CFAP299: variants seen among roughly 807,000 people sequenced by gnomAD.
CFAP299 encodes cilia and flagella associated protein 299.
CFAP299 carries 21 observed loss-of-function variants against 27.0 expected under a neutral mutation model. The ratio of observed to expected loss-of-function variants is 0.78; its 90% CI spans 0.55 to 1.12. CFAP299 has a LOEUF of 1.12. CFAP299 is among the 50% of genes most tolerant of loss of function. The probability of loss-of-function intolerance (pLI) is 0.00; values close to 1 mark genes in which losing one functional copy is unlikely to be tolerated. For missense variants in CFAP299, 310 were observed against 276.6 expected, an observed-to-expected ratio of 1.12 and a Z score of -0.86; for synonymous variants, 104 against 98.1, an observed-to-expected ratio of 1.06 and a Z score of -0.36.
At chr4:80,545,071 G>C (rs912152153) in intron 2 of CFAP299, among the ~76,000 whole-genome samples, 2 of 151,982 alleles carry the variant, frequency 1.3e-5, no homozygotes, top group Admixed American at 1.3e-4. Flanking sequence ...TACCAAAACT[G>C]TACAATAAAG....
intron 2 of CFAP299, chr4:80,387,110 G>C (rs941879504): frequency 6.9e-7 from 1 of 1,443,722 alleles, no homozygotes. Flanking sequence ...GGGCCTCTGG[G>C]GTGGATATTT....
Position 80,963,568 on chromosome 4 carries a change from G to C in CFAP299, c.658G>C (p.Val220Leu). ...TRITILTELY[V>L]QAVIFDHISR... Reference sequence around the variant, plus strand: ...AATCACTATCCTGACAGAACTCTACGTACAAGCTGTCATTTTTGACCACAT... The same window carrying C: ...AATCACTATCCTGACAGAACTCTACCTACAAGCTGTCATTTTTGACCACAT... Residue 220 changes from valine to leucine, a missense_variant, in exon 6 of 6, where the codon GTA becomes CTA. Transcript: ENST00000358105. The C allele has an allele frequency of 6.2e-7, 1 of 1,608,352 alleles. No individual in the cohort carries two copies. The highest frequency in any genetic ancestry group is 8.5e-7 in the Non-Finnish European group (1 of 1,176,922).
chr4:80,742,548 G>A (rs545471447), intron 3 of CFAP299, among the ~76,000 whole-genome samples: 20 of 152,216 alleles, frequency 1.3e-4, no homozygotes, highest in Admixed American at 7.9e-4. Flanking sequence ...TGGAGAGATT[G>A]ATTATAGCAA....
chr4:80,460,148 A>C (rs1729366571), intron 2 of CFAP299, among the ~76,000 whole-genome samples: 1 of 152,152 alleles, frequency 6.6e-6, no homozygotes, highest in African/African-American at 2.4e-5. Flanking sequence ...CACAGGTAGC[A>C]GTGCTCAGAA....
intron 3 of CFAP299, among the ~76,000 whole-genome samples, chr4:80,816,257 C>T (rs1003210553): frequency 2.8e-4 from 43 of 151,966 alleles, no homozygotes; most frequent in African/African-American, 9.7e-4. Context: ...TGAGATTCTT[C>T]CAAATCTAGA....
At chr4:80,490,354 G>A (rs925183624) in intron 2 of CFAP299, among the ~76,000 whole-genome samples, 5 of 152,164 alleles carry the variant, frequency 3.3e-5, no homozygotes, top group East Asian at 1.9e-4. Flanking sequence ...TAGTAATTTC[G>A]AGCTATTCTT....
At chr4:80,585,942 G>A (rs1736414235) in intron 3 of CFAP299, among the ~76,000 whole-genome samples, 1 of 152,134 alleles carries the variant, frequency 6.6e-6, no homozygotes, top group Admixed American at 6.6e-5. Context: ...GTGATTTGTA[G>A]GATTCAGTGG....
At chr4:80,791,828 A>G (rs1727587110) in intron 3 of CFAP299, among the ~76,000 whole-genome samples, 1 of 151,718 alleles carries the variant, frequency 6.6e-6, no homozygotes, top group African/African-American at 2.4e-5. Context: ...TCACAGAATG[A>G]CATATTGACA....
intron 3 of CFAP299, among the ~76,000 whole-genome samples, chr4:80,707,270 A>C (rs1721877230): frequency 6.6e-6 from 1 of 151,852 alleles, no homozygotes; most frequent in Non-Finnish European, 1.5e-5. Context: ...ATGAGATGAG[A>C]CTGGTTTTTA....
chr4:80,500,580 G>A (rs2110150760), intron 2 of CFAP299, among the ~76,000 whole-genome samples: 1 of 152,136 alleles, frequency 6.6e-6, no homozygotes, highest in East Asian at 1.9e-4. Flanking sequence ...CTACTATTTT[G>A]TTGAAACTGC....
chr4:80,745,850 A>G (rs1474338847), intron 3 of CFAP299, among the ~76,000 whole-genome samples: 2 of 151,992 alleles, frequency 1.3e-5, no homozygotes, highest in African/African-American at 4.8e-5. Context: ...GCTTTTGAAA[A>G]CCTTGACAGT....
At chr4:80,853,836 T>C (rs1170604893) in intron 3 of CFAP299, among the ~76,000 whole-genome samples, 1 of 152,118 alleles carries the variant, frequency 6.6e-6, no homozygotes, top group East Asian at 1.9e-4. Context: ...GAAGATTTGG[T>C]TGAGGTGGTG....
intron 2 of CFAP299, among the ~76,000 whole-genome samples, chr4:80,527,105 G>A (rs973052875): frequency 5.3e-5 from 8 of 152,024 alleles, no homozygotes; most frequent in African/African-American, 9.7e-5. Context: ...TGCCTCCTTC[G>A]TGCTAAGCAT....
At chr4:80,354,519 C>CT (rs572171565) in intron 1 of CFAP299, among the ~76,000 whole-genome samples, 203 of 151,878 alleles carry the variant, frequency 1.3e-3, no homozygotes, top group African/African-American at 4.1e-3. Context: ...ATATATATGA[C>CT]TTTTTTTTCA....
intron 4 of CFAP299, among the ~76,000 whole-genome samples, chr4:80,894,271 C>T (rs2110189516): frequency 6.6e-6 from 1 of 151,886 alleles, no homozygotes; most frequent in South Asian, 2.1e-4. Context: ...GAAGGCTAAA[C>T]CTAGAGTCAG....
intron 3 of CFAP299, among the ~76,000 whole-genome samples, chr4:80,818,771 A>G (rs1481866640): frequency 6.6e-6 from 1 of 152,182 alleles, no homozygotes; most frequent in Non-Finnish European, 1.5e-5. Context: ...GAGTTGTCAT[A>G]TGAAAATGTC....
At chr4:80,950,220 G>A (rs1737701797) in intron 5 of CFAP299, among the ~76,000 whole-genome samples, 1 of 151,750 alleles carries the variant, frequency 6.6e-6, no homozygotes, top group Non-Finnish European at 1.5e-5. Flanking sequence ...AAGTGAGCTG[G>A]ATGGATGTCT....
At chr4:80,733,618 C>A (rs1723672217) in intron 3 of CFAP299, among the ~76,000 whole-genome samples, 1 of 152,098 alleles carries the variant, frequency 6.6e-6, no homozygotes, top group Non-Finnish European at 1.5e-5. Context: ...CTGCCTCCCA[C>A]TACTCTTCCC....
intron 2 of CFAP299, among the ~76,000 whole-genome samples, chr4:80,428,490 A>G (rs1727633653): frequency 6.6e-6 from 1 of 152,090 alleles, no homozygotes. Context: ...AAATGAACTA[A>G]CTATGTTAAA....
Sources: gnomAD v4.1 joint callset for allele counts (sites outside exome capture counted in the v4.1 genomes callset) on GRCh38, gnomAD v4.1.1 for gene constraint, MANE v1.5 for transcripts, NCBI Gene and HGNC (gene_info 2026-07-23, HGNC 2026-07-21) for gene names.